Variants in ASCC3 observed in about 807,000 individuals in gnomAD.
The protein encoded by ASCC3 is ASC-1 complex subunit P200.
Under a neutral mutation model 256.3 loss-of-function variants are expected in ASCC3, and 158 were observed. The ratio of observed to expected loss-of-function variants is 0.62; its 90% CI spans 0.54 to 0.70. The LOEUF is 0.70. ASCC3 is among the 30% of genes least tolerant of loss of function. The pLI, the probability that ASCC3 is intolerant of heterozygous loss-of-function variation, is 0.00. For synonymous variants in ASCC3, 948 were observed against 883.4 expected (o/e 1.07, Z -1.30); for missense variants, 2,259 against 2,626.0 (o/e 0.86, Z 3.05).
At chr6:100,636,496 T>G (rs1412441175) in intron 25 of ASCC3, among the ~76,000 whole-genome samples, 1 of 152,118 alleles carries the variant, frequency 6.6e-6, no homozygotes, top group East Asian at 1.9e-4. Context: ...TTAGGTCAAT[T>G]AATAACCCTA....
chr6:100,560,904 G>A (rs1385024129), intron 36 of ASCC3, among the ~76,000 whole-genome samples: 1 of 151,978 alleles, frequency 6.6e-6, no homozygotes, highest in Non-Finnish European at 1.5e-5. Flanking sequence ...TATATGTTGA[G>A]GGGGTATAAA....
intron 4 of ASCC3, among the ~76,000 whole-genome samples, chr6:100,828,001 T>C (rs1771406603): frequency 6.6e-6 from 1 of 151,138 alleles, no homozygotes; most frequent in Admixed American, 6.6e-5. Flanking sequence ...ACTTAAACTT[T>C]ATTTCCTTTC....
At chr6:100,665,519 T>G (rs563314646) in intron 14 of ASCC3, among the ~76,000 whole-genome samples, 8 of 151,668 alleles carry the variant, frequency 5.3e-5, no homozygotes, top group Admixed American at 5.3e-4. Flanking sequence ...GGTCAGGAGA[T>G]GAAGACCATC....
chr6:100,583,703 T>C (rs1264550292), intron 36 of ASCC3, among the ~76,000 whole-genome samples: 4 of 152,152 alleles, frequency 2.6e-5, no homozygotes, highest in African/African-American at 7.2e-5. Flanking sequence ...TGGATCTTTC[T>C]TGCTTTCTCT....
chr6:100,584,228 C>T (rs1186315483), intron 36 of ASCC3, among the ~76,000 whole-genome samples: 6 of 150,360 alleles, frequency 4.0e-5, no homozygotes, highest in Non-Finnish European at 4.4e-5. Context: ...GTCTAAGTCT[C>T]TTTGTAGGTC....
intron 37 of ASCC3, among the ~76,000 whole-genome samples, chr6:100,529,981 A>G (rs1005048018): frequency 6.6e-6 from 1 of 151,798 alleles, no homozygotes; most frequent in Non-Finnish European, 1.5e-5. Context: ...CCATCATTAA[A>G]TCGTGATTTT....
At chr6:100,740,345 C>T (rs994086960) in intron 10 of ASCC3, among the ~76,000 whole-genome samples, 1 of 152,148 alleles carries the variant, frequency 6.6e-6, no homozygotes, top group South Asian at 2.1e-4. Context: ...GAGTGTTTTA[C>T]TTCCGATTAT....
At chr6:100,829,353 C>G (rs1366811308) in intron 4 of ASCC3, among the ~76,000 whole-genome samples, 15 of 152,022 alleles carry the variant, frequency 9.9e-5, no homozygotes, top group Non-Finnish European at 1.8e-4. Flanking sequence ...GCATGGCGGG[C>G]TGCAGGTCCT....
chr6:100,556,279 G>A (rs1316375332), intron 36 of ASCC3, among the ~76,000 whole-genome samples: 3 of 152,084 alleles, frequency 2.0e-5, no homozygotes, highest in Non-Finnish European at 4.4e-5. Context: ...ATCTAAAAAT[G>A]AAATATCAAA....
At chr6:100,879,673 AT>A (rs888485310) in intron 1 of ASCC3, among the ~76,000 whole-genome samples, 1 of 151,712 alleles carries the variant, frequency 6.6e-6, no homozygotes, top group African/African-American at 2.4e-5. Flanking sequence ...TTATTTATTT[AT>A]TTTTTTTGAG....
At chr6:100,569,194 A>G (rs1477162702) in intron 36 of ASCC3, among the ~76,000 whole-genome samples, 1 of 152,088 alleles carries the variant, frequency 6.6e-6, no homozygotes, top group African/African-American at 2.4e-5. Flanking sequence ...ATTCTTCTGC[A>G]TATGGGCTAG....
chr6:100,737,040 G>T (rs1196153422), intron 10 of ASCC3, among the ~76,000 whole-genome samples: 1 of 151,796 alleles, frequency 6.6e-6, no homozygotes, highest in African/African-American at 2.4e-5. Context: ...CCAGCTACTC[G>T]GAAAGTTGAG....
At chr6:100,802,464 C>A (rs1769966165) in intron 5 of ASCC3, among the ~76,000 whole-genome samples, 1 of 152,068 alleles carries the variant, frequency 6.6e-6, no homozygotes. Context: ...TCATGTACAT[C>A]CTGCAGAACT....
Position 100,800,340 on chromosome 6 carries a change from C to T in ASCC3, c.1087G>A (p.Gly363Arg). Residue 363 changes from glycine (G) to arginine (R), a missense_variant, in exon 6 of 42, where the codon GGA becomes AGA. Around this residue, in one of 2 missense-constraint regions of ASCC3, gnomAD observed 420 missense variants for 419.3 expected, o/e 1.00. Coordinates refer to ENST00000369162, the MANE Select transcript of ASCC3 (RefSeq NM_006828.4). ...KAGEDLEVSE[G>R]LMCFDPKELR... ...TCCTTAGGATCAAAGCACATAAGTC[C>T]TTCTGAAACTTCTAAATCTTCTCCA... 1 of 1,612,918 alleles carries T rather than the reference C, an allele frequency of 6.2e-7. No homozygotes were observed. Among genetic ancestry groups the T allele is most frequent in the Non-Finnish European group, 8.5e-7 (1 of 1,179,280 alleles).
chr6:100,561,897 A>G (rs1195705869), intron 36 of ASCC3, among the ~76,000 whole-genome samples: 2 of 152,172 alleles, frequency 1.3e-5, no homozygotes, highest in East Asian at 3.8e-4. Flanking sequence ...TCTTACCAAC[A>G]GAAATACTTG....
intron 10 of ASCC3, among the ~76,000 whole-genome samples, chr6:100,745,130 C>T (rs1298810657): frequency 6.6e-6 from 1 of 152,124 alleles, no homozygotes; most frequent in African/African-American, 2.4e-5. Flanking sequence ...AGTTAGAGAC[C>T]AGCCTGATCA....
chr6:100,627,405 G>A (rs955598593), intron 29 of ASCC3, among the ~76,000 whole-genome samples, 185 bp downstream of exon 29: 4 of 151,862 alleles, frequency 2.6e-5, no homozygotes, highest in East Asian at 1.9e-4. Flanking sequence ...TTGTGAAATC[G>A]CTCCAATCTT....
At chr6:100,780,675 G>A (rs1782399707) in intron 8 of ASCC3, among the ~76,000 whole-genome samples, 1 of 152,154 alleles carries the variant, frequency 6.6e-6, no homozygotes, top group African/African-American at 2.4e-5. Flanking sequence ...TTCTCTTGAT[G>A]TCTTATTCTC....
intron 35 of ASCC3, 38 bp downstream of exon 35, chr6:100,589,906 TGGGC>T: frequency 6.3e-7 from 1 of 1,597,608 alleles, no homozygotes; most frequent in East Asian, 2.2e-5. Context: ...GTCAAAAAGC[TGGGC>T]AATCTTTTCA....
Sources: allele counts gnomAD v4.1 joint callset (sites outside exome capture counted in the v4.1 genomes callset), GRCh38; gene constraint gnomAD v4.1.1; regional missense constraint gnomAD v4.1.1; transcripts MANE v1.5; gene names NCBI Gene and HGNC (gene_info 2026-07-23, HGNC 2026-07-21).